NUDT12: variants seen among roughly 807,000 people sequenced by gnomAD.
The protein encoded by NUDT12 is NAD-capped RNA hydrolase NUDT12.
NUDT12 carries 42 observed loss-of-function variants against 45.7 expected under a neutral mutation model. The ratio of observed to expected loss-of-function variants is 0.92; its 90% CI spans 0.72 to 1.19. The LOEUF (loss-of-function observed/expected upper bound fraction) is 1.19, where lower values mean the gene tolerates loss of function less well. NUDT12 is among the 50% of genes most tolerant of loss of function. NUDT12 has a pLI of 0.00. For synonymous variants in NUDT12, 206 were observed against 179.7 expected, an observed-to-expected ratio of 1.15 and a Z score of -1.17; for missense variants, 590 against 533.1, an observed-to-expected ratio of 1.11 and a Z score of -1.05.
chr5:103,559,567 G>C, intron 2 of NUDT12, 99 bp from the exon 3 acceptor site: 1 of 590,650 alleles, frequency 1.7e-6, no homozygotes, highest in Non-Finnish European at 2.7e-6. Flanking sequence ...ACATATTAAA[G>C]TCCTTCTTTT....
chr5:103,554,636 A>G, intron 5 of NUDT12, 104 bp downstream of exon 5: 2 of 412,852 alleles, frequency 4.8e-6, no homozygotes, highest in East Asian at 7.7e-5. Context: ...AAAATAACCG[A>G]GTTTTATAAC....
intron 5 of NUDT12, among the ~76,000 whole-genome samples, chr5:103,554,252 T>C (rs954545911): frequency 6.6e-6 from 1 of 152,218 alleles, no homozygotes; most frequent in South Asian, 2.1e-4. Flanking sequence ...ATGAAACTTA[T>C]ATTCTTGAAA....
Position 103,558,926 on chromosome 5 carries a change from A to T in NUDT12, c.749T>A (p.Leu250His). ...FKQRHENCYF[L>H]HPPMPALLQL... The stretch of plus-strand genomic sequence containing the variant: ...CAGAAGGGCTGGCATAGGAGGATGA[A>T]GAAAGTAACAATTTTCATGTCTTTG... Residue 250 changes from leucine to histidine, a missense_variant, in exon 3 of 7, where the codon CTT (leucine) becomes CAT (histidine). Transcript: ENST00000230792. 2 of 1,608,638 alleles carry T rather than the reference A, an allele frequency of 1.2e-6. No individual in the cohort carries two copies. Among genetic ancestry groups the T allele is most frequent in the Non-Finnish European group, 1.7e-6 (2 of 1,177,976 alleles).
At chr5:103,554,098 G>C (rs910687803) in intron 5 of NUDT12, among the ~76,000 whole-genome samples, 2 of 151,804 alleles carry the variant, frequency 1.3e-5, no homozygotes, top group Non-Finnish European at 2.9e-5. Context: ...TGCAAATATT[G>C]GAAATTGAAA....
intron 3 of NUDT12, among the ~76,000 whole-genome samples, chr5:103,558,135 G>A (rs1167545854): frequency 6.6e-6 from 1 of 151,926 alleles, no homozygotes; most frequent in East Asian, 1.9e-4. Context: ...GCAAAGACCA[G>A]TGATTTTCTC....
rs760678835 is a variant in NUDT12, at chr5:103,549,901, A to C, written c.*960T>G. On this transcript the variant is annotated 3_prime_UTR_variant, in exon 7 of 7. Transcript: ENST00000230792. ...AATGTGTTGAAATAAGGTCAAAGCCAAGATATATTTGAGCATAATAAATAG... is the reference window on the plus strand; with the variant it reads ...AATGTGTTGAAATAAGGTCAAAGCCCAGATATATTTGAGCATAATAAATAG... 6.6e-5 allele frequency: 10 copies of C among 152,198 alleles called. No homozygotes were observed. Among genetic ancestry groups the C allele is most frequent in the Non-Finnish European group, 1.2e-4 (8 of 68,010 alleles). The allele number at this position is 152,198 out of a possible 1,614,324, so 9.4% of individuals were successfully genotyped here.
rs749882551 is a variant in NUDT12 at position 103,548,928 on chromosome 5, A to G, written c.*1933T>C. ...CATTCACGGCACTATCACATCTACT[A>G]TTCTTTTGAACTGGCCATTCCTTCT... is the stretch of plus-strand genomic sequence containing the variant. On this transcript the variant is annotated 3_prime_UTR_variant, in exon 7 of 7. Transcript: ENST00000230792. 6.6e-6 allele frequency: 1 copy of G among 152,142 alleles called. No individual in the cohort carries two copies. Among genetic ancestry groups the G allele is most frequent in the Non-Finnish European group, 1.5e-5 (1 of 68,006 alleles). The allele number at this position is 152,142 out of a possible 1,614,324, so 9.4% of individuals were successfully genotyped here. A position where few individuals can be genotyped will look rare whatever the true frequency, so the allele number is the denominator to read the frequency against.
In NUDT12 at chr5:103,560,252, T is replaced by C. The variant is rs755753459; in HGVS notation, c.-4A>G. On this transcript the variant is annotated splice_region_variant and 5_prime_UTR_variant, in exon 2 of 7. Coordinates refer to ENST00000230792, the MANE Select transcript of NUDT12 (RefSeq NM_031438.4). ...GACTTCTTTTTACAGAAGACATTTC[T>C]TCCTTAAAAGAAGGAAAATCAGGGG... The C allele has an allele frequency of 2.6e-5, 42 of 1,607,614 alleles. 1 individual carries two copies. The South Asian group carries it at 4.6e-4, about 18-fold the overall frequency.
chr5:103,551,112 A>C, intron 6 of NUDT12, 141 bp from the exon 7 acceptor site: 1 of 626,468 alleles, frequency 1.6e-6, no homozygotes, highest in Non-Finnish European at 2.7e-6. Context: ...ATCCATATTT[A>C]CATGCAAAGT....
Position 103,552,374 on chromosome 5 carries a change from T to A in NUDT12, c.1121A>T (p.Glu374Val). 6.2e-7 allele frequency: 1 copy of A among 1,613,940 alleles called. No homozygotes were observed. Among genetic ancestry groups the A allele is most frequent in the East Asian group, 2.2e-5 (1 of 44,876 alleles). The change falls in exon 6 of 7, where the codon GAA becomes GTA. Residue 374 changes from glutamate (E) to valine (V), a missense_variant. Glu to Val is a moderately radical substitution (Grantham distance 121, BLOSUM62 -2). Coordinates refer to ENST00000230792, the MANE Select transcript of NUDT12 (RefSeq NM_031438.4). ...EDAVRREVEEESGVKVGHVQY... is the reference protein window; with the variant it reads ...EDAVRREVEEVSGVKVGHVQY... The stretch of plus-strand genomic sequence containing the variant: ...AACATGGCCAACTTTGACTCCACTT[T>A]CCTCTTCTACTTCTCTCCTAACAGC...
chr5:103,555,321 C>T (rs975417563), intron 4 of NUDT12, among the ~76,000 whole-genome samples: 1 of 152,054 alleles, frequency 6.6e-6, no homozygotes, highest in African/African-American at 2.4e-5. Flanking sequence ...CAGTTCATCT[C>T]TCTAGAAGTT....
At chr5:103,557,474 C>T (rs905727765) in intron 3 of NUDT12, among the ~76,000 whole-genome samples, 3 of 151,670 alleles carry the variant, frequency 2.0e-5, no homozygotes, top group South Asian at 2.1e-4. Flanking sequence ...CCTAACTTCC[C>T]AGTAACTCAT....
rs747398786 is a variant in NUDT12 at position 103,560,011 on chromosome 5, C to A, written c.206+32G>T. 4 of 1,465,844 alleles carry A rather than the reference C, an allele frequency of 2.7e-6. No homozygotes were observed. In the African/African-American group the frequency reaches 4.2e-5, roughly 15 times the overall value. 90.8% of individuals were successfully genotyped at this position (1,465,844 alleles called of 1,614,324 possible). ...TGTAACAAAGAAATTAAACCACAAA[C>A]CCTTTCAGGTGGTACAGCCTAAAAT... On this transcript the variant is annotated intron_variant, in intron 2 of 6. Coordinates refer to ENST00000230792, the MANE Select transcript of NUDT12 (RefSeq NM_031438.4).
At chr5:103,557,650 A>G (rs889571148) in intron 3 of NUDT12, among the ~76,000 whole-genome samples, 1 of 152,008 alleles carries the variant, frequency 6.6e-6, no homozygotes, top group African/African-American at 2.4e-5. Context: ...AGCATTCAAT[A>G]CATTTGACCA....
At chr5:103,561,635 C>CT (rs1319490426) in intron 1 of NUDT12, among the ~76,000 whole-genome samples, 1 of 152,214 alleles carries the variant, frequency 6.6e-6, no homozygotes, top group Non-Finnish European at 1.5e-5. Flanking sequence ...ATTTTCAGGA[C>CT]TTTATTTTGA....
intron 6 of NUDT12, 76 bp downstream of exon 6, chr5:103,552,141 T>C: frequency 3.4e-6 from 4 of 1,172,028 alleles, no homozygotes; most frequent in Non-Finnish European, 3.8e-6. Flanking sequence ...GCTGAAAATA[T>C]GCATCCTTGC....
At position 103,558,869 on chromosome 5, in the gene NUDT12, C is replaced by T. The variant is rs768935736; in HGVS notation, c.796+10G>A. 2.0e-6 allele frequency: 3 copies of T among 1,529,066 alleles called. No individual in the cohort carries two copies. The highest frequency in any genetic ancestry group is 1.3e-5 in the South Asian group (1 of 78,054). The allele number at this position is 1,529,066 out of a possible 1,614,324, so 94.7% of individuals were successfully genotyped here. On this transcript the variant is annotated intron_variant, in intron 3 of 6. Transcript: ENST00000230792. ...GATTTTACCAATGAAAAGCAGCATT[C>T]ATTTCTTACCAGCTTCTTTTTCTTT...
Position 103,549,131 on chromosome 5 carries a change from G to C in NUDT12, c.*1730C>G, listed in dbSNP as rs1010697923. On this transcript the variant is annotated 3_prime_UTR_variant, in exon 7 of 7. Transcript: ENST00000230792. ...CCTATTTTAACATTATGAAAACCTGGAATTTTACAATGTAATCTTAGAATC... is the reference window on the plus strand; with the variant it reads ...CCTATTTTAACATTATGAAAACCTGCAATTTTACAATGTAATCTTAGAATC... The C allele has an allele frequency of 2.4e-4, 37 of 151,948 alleles. No homozygotes were observed. The highest frequency in any genetic ancestry group is 7.7e-4 in the African/African-American group (32 of 41,404). 9.4% of individuals were successfully genotyped at this position (151,948 alleles called of 1,614,324 possible).
At chr5:103,557,200 G>A (rs1004665121) in intron 3 of NUDT12, among the ~76,000 whole-genome samples, 2 of 148,554 alleles carry the variant, frequency 1.3e-5, no homozygotes, top group Non-Finnish European at 3.0e-5. Context: ...TAGAGCAAGT[G>A]AGTTAAAAGG....
Sources: gnomAD v4.1 joint callset for allele counts (sites outside exome capture counted in the v4.1 genomes callset) on GRCh38, gnomAD v4.1.1 for gene constraint, MANE v1.5 for transcripts, NCBI Gene and HGNC (gene_info 2026-07-23, HGNC 2026-07-21) for gene names.